Variants in FOXRED2 observed in about 807,000 individuals in gnomAD.
FOXRED2 encodes FAD-dependent oxidoreductase domain-containing protein 2.
FOXRED2 carries 32 observed loss-of-function variants against 52.5 expected under a neutral mutation model. The ratio of observed to expected loss-of-function variants is 0.61; its 90% CI spans 0.46 to 0.82. The LOEUF (loss-of-function observed/expected upper bound fraction) is 0.82. Among genes scored for constraint, FOXRED2 ranks in the 40% least tolerant of loss-of-function variants. The pLI, the probability that FOXRED2 is intolerant of heterozygous loss-of-function variation, is 0.00. For synonymous variants in FOXRED2, 405 were observed against 398.1 expected (o/e 1.02, Z -0.21); for missense variants, 848 against 937.5 (o/e 0.90, Z 1.25).
chr22:36,499,734 G>A (rs1262334526), intron 5 of FOXRED2, among the ~76,000 whole-genome samples: 2 of 152,142 alleles, frequency 1.3e-5, no homozygotes, highest in African/African-American at 4.8e-5. Context: ...GCCTCACTGA[G>A]TGAATTTCAA....
At chr22:36,501,869 T>C (rs1186945588) in intron 4 of FOXRED2, among the ~76,000 whole-genome samples, 1 of 152,058 alleles carries the variant, frequency 6.6e-6, no homozygotes, top group Non-Finnish European at 1.5e-5. Flanking sequence ...TCATCTCCAT[T>C]TAAGAGATGA....
At chr22:36,493,555 CT>C in intron 8 of FOXRED2, 77 bp downstream of exon 8, 1 of 1,313,112 alleles carries the variant, frequency 7.6e-7, no homozygotes, top group Non-Finnish European at 1.1e-6. Flanking sequence ...GGTCCTGAAA[CT>C]CCACGGGTCT....
Position 36,489,918 on chromosome 22 carries a change from C to T in FOXRED2, c.*90G>A, listed in dbSNP as rs536926869. Reference sequence around the variant, plus strand: ...GTGGTCTTTGGCAATCACGCATTGGCGGGAGTGTGAGGTTGCGGGGAAAGA... The same window carrying T: ...GTGGTCTTTGGCAATCACGCATTGGTGGGAGTGTGAGGTTGCGGGGAAAGA... On this transcript the variant is annotated 3_prime_UTR_variant, in exon 9 of 9. Coordinates refer to ENST00000397224, the MANE Select transcript of FOXRED2 (RefSeq NM_001102371.2). The T allele has an allele frequency of 1.4e-4, 186 of 1,325,596 alleles. No individual in the cohort carries two copies. The highest frequency in any genetic ancestry group is 1.9e-4 in the Middle Eastern group (1 of 5,152). The allele number at this position is 1,325,596 out of a possible 1,614,324, so 82.1% of individuals were successfully genotyped here.
chr22:36,499,513 C>T lies in FOXRED2; in HGVS notation c.1217-1357G>A, dbSNP rs1603495160. 2.0e-5 allele frequency among the ~76,000 whole-genome samples: 3 copies of T among 152,180 alleles called. No individual in the cohort carries two copies. The South Asian group carries it at 6.2e-4, about 32-fold the overall frequency. ...TGGTGGTGCACGCCTGAAGTCCCAG[C>T]CACTCAGAAGGCTGAGGTGGGAGGA... On this transcript the variant is annotated intron_variant, in intron 5 of 8. Coordinates refer to ENST00000397224, the MANE Select transcript of FOXRED2 (RefSeq NM_001102371.2).
chr22:36,498,270 AT>A, intron 5 of FOXRED2, 114 bp from the exon 6 acceptor site: 1 of 1,271,026 alleles, frequency 7.9e-7, no homozygotes, highest in Non-Finnish European at 1.1e-6. Context: ...ACTGGTCTCC[AT>A]GGCCCAGCGC....
chr22:36,502,080 A>G (rs982541379), intron 4 of FOXRED2, among the ~76,000 whole-genome samples: 15 of 152,118 alleles, frequency 9.9e-5, no homozygotes, highest in Admixed American at 9.2e-4. Context: ...GAGGCAGGAG[A>G]ATCGCTTGAA....
In FOXRED2 at chr22:36,496,008, A is replaced by G; in HGVS notation, c.1583T>C (p.Phe528Ser). The G allele has an allele frequency of 1.2e-6, 2 of 1,614,218 alleles. No homozygotes were observed. The highest frequency in any genetic ancestry group is 1.7e-6 in the Non-Finnish European group (2 of 1,180,040). ...GHTEDAWQSN[F>S]LHPVIYYYRY... ...ATAGTAGTAGATGACAGGATGAAGA[A>G]AGTTAGACTGCCAGGCATCTTCTGT... The change falls in exon 7 of 9, where the codon TTT (phenylalanine) becomes TCT (serine). Residue 528 changes from phenylalanine to serine, a missense_variant. By Grantham distance (155) the Phe-to-Ser change is radical. Transcript: ENST00000397224.
At chr22:36,490,347 A>G (rs878991557) in intron 8 of FOXRED2, 80 bp from the exon 9 acceptor site, 6 of 1,456,008 alleles carry the variant, frequency 4.1e-6, no homozygotes, top group Middle Eastern at 1.9e-4. Flanking sequence ...TGCCAATGCC[A>G]GGTGTGGGGG....
Position 36,496,201 on chromosome 22 carries a change from T to G in FOXRED2, c.1390A>C (p.Thr464Pro), listed in dbSNP as rs1372522651. ...AACTCCTCCAGGTACTCAAAGGCCG[T>G]GGAATTCCTGGGAGAACAGCAACGC... ...ADVILLKENS[T>P]AFEYLEEFPI... The change falls in exon 7 of 9, where the codon ACG becomes CCG. Residue 464 changes from threonine (T) to proline (P), a missense_variant. Physicochemically the swap from Thr to Pro is conservative, Grantham distance 38. Transcript: ENST00000397224. 6.2e-7 allele frequency: 1 copy of G among 1,613,432 alleles called. No homozygotes were observed. The highest frequency in any genetic ancestry group is 2.2e-5 in the East Asian group (1 of 44,884).
chr22:36,489,955 T>C lies in FOXRED2; in HGVS notation c.*53A>G. 1 of 1,497,186 alleles carries C rather than the reference T, an allele frequency of 6.7e-7. No homozygotes were observed. The highest frequency in any genetic ancestry group is 8.9e-7 in the Non-Finnish European group (1 of 1,117,668). The allele number at this position is 1,497,186 out of a possible 1,614,324, so 92.7% of individuals were successfully genotyped here. On this transcript the variant is annotated 3_prime_UTR_variant, in exon 9 of 9. Transcript: ENST00000397224. ...GTTGCGGGGAAAGAGGGACTGACCA[T>C]GGGCCTAGGTGGGGAGGCCTGGCCA...
intron 5 of FOXRED2, among the ~76,000 whole-genome samples, chr22:36,498,585 C>A (rs1308785536): frequency 6.6e-6 from 1 of 152,204 alleles, no homozygotes; most frequent in East Asian, 1.9e-4. Flanking sequence ...AACACGGAGC[C>A]TTCCCCAGAA....
chr22:36,490,715 T>G (rs1463318511), intron 8 of FOXRED2, among the ~76,000 whole-genome samples: 2 of 152,070 alleles, frequency 1.3e-5, no homozygotes, highest in African/African-American at 4.8e-5. Context: ...AACATTTGAG[T>G]TGCAAATACC....
In FOXRED2 at chr22:36,489,514, T is replaced by C. The variant is rs1050212256; in HGVS notation, c.*494A>G. On this transcript the variant is annotated 3_prime_UTR_variant, in exon 9 of 9. Coordinates refer to ENST00000397224, the MANE Select transcript of FOXRED2 (RefSeq NM_001102371.2). ...ATTACTTGACATCCCACAGCTGGTG[T>C]CTTCAGCAGTCATCTGGGGCAACAA... 6.6e-6 allele frequency: 1 copy of C among 152,450 alleles called. No homozygotes were observed. The highest frequency in any genetic ancestry group is 2.4e-5 in the African/African-American group (1 of 41,454). The allele number at this position is 152,450 out of a possible 1,614,324, so 9.4% of individuals were successfully genotyped here.
chr22:36,499,207 C>T (rs546976540), intron 5 of FOXRED2, among the ~76,000 whole-genome samples: 6 of 152,242 alleles, frequency 3.9e-5, no homozygotes, highest in Middle Eastern at 3.4e-3. Context: ...AGGCATGAGC[C>T]ACTACGCCCA....
Position 36,504,702 on chromosome 22 carries a change from C to G in FOXRED2, c.592G>C (p.Ala198Pro). 6.2e-7 allele frequency: 1 copy of G among 1,614,188 alleles called. No individual in the cohort carries two copies. Residue 198 changes from alanine to proline, a missense_variant, in exon 3 of 9, where the codon GCA (alanine) becomes CCA (proline). Coordinates refer to ENST00000397224, the MANE Select transcript of FOXRED2 (RefSeq NM_001102371.2). ...ACGGACACGGACTCGTAACCCTCTG[C>G]ATATTCGGAGCCAGGGAAGTCAACC... Reference protein sequence around the residue: ...NQVDFPGSEYAEGYESVSVDP... With the variant: ...NQVDFPGSEYPEGYESVSVDP...
intron 4 of FOXRED2, among the ~76,000 whole-genome samples, chr22:36,502,706 T>C (rs1371122816): frequency 2.0e-5 from 3 of 152,090 alleles, no homozygotes; most frequent in Admixed American, 2.0e-4. Context: ...TTTTTTGTTT[T>C]TGAGATGGAG....
intron 7 of FOXRED2, 142 bp downstream of exon 7, chr22:36,495,825 C>T: frequency 1.1e-6 from 1 of 875,922 alleles, no homozygotes; most frequent in East Asian, 2.4e-5. Context: ...GACCTTCTGC[C>T]CAAGTGGTCT....
intron 4 of FOXRED2, among the ~76,000 whole-genome samples, chr22:36,502,167 T>TCAAA (rs538593818): frequency 7.7e-4 from 107 of 138,528 alleles, no homozygotes; most frequent in Admixed American, 1.1e-3. Context: ...AGACTCTGTC[T>TCAAA]CAAACAAACA....
Position 36,488,520 on chromosome 22 carries a change from A to C in FOXRED2, c.*1488T>G, listed in dbSNP as rs533250644. ...GGTGATCGGCCCACTTTGGCCTCCC[A>C]AAGTGCTGGGATTACAGGTGTAAGC... is the stretch of plus-strand genomic sequence containing the variant. On this transcript the variant is annotated 3_prime_UTR_variant, in exon 9 of 9. Coordinates refer to ENST00000397224, the MANE Select transcript of FOXRED2 (RefSeq NM_001102371.2). The C allele has an allele frequency of 6.6e-6, 1 of 152,276 alleles. No individual in the cohort carries two copies. The highest frequency in any genetic ancestry group is 6.5e-5 in the Admixed American group (1 of 15,292). 9.4% of individuals were successfully genotyped at this position (152,276 alleles called of 1,614,324 possible). A position where few individuals can be genotyped will look rare whatever the true frequency, so the allele number is the denominator to read the frequency against.
Sources: gnomAD v4.1 joint callset for allele counts (sites outside exome capture counted in the v4.1 genomes callset) on GRCh38, gnomAD v4.1.1 for gene constraint, MANE v1.5 for transcripts, NCBI Gene and HGNC (gene_info 2026-07-23, HGNC 2026-07-21) for gene names.